PLD1: variants seen among roughly 807,000 people sequenced by gnomAD.
PLD1 encodes the protein choline phosphatase 1.
A neutral mutation model predicts 137.1 loss-of-function variants in PLD1; 112 were observed. That is an observed-to-expected ratio of 0.82 (90% CI 0.70 to 0.96). The LOEUF is 0.96. Among genes scored for constraint, PLD1 ranks in the 40% least tolerant of loss-of-function variants. The pLI is 0.00. For missense variants in PLD1, 1,321 were observed against 1,342.0 expected (o/e 0.98, Z 0.24); for synonymous variants, 431 against 454.7 (o/e 0.95, Z 0.66).
At chr3:171,627,517 C>T (rs1351505798) in intron 23 of PLD1, among the ~76,000 whole-genome samples, 4 of 151,598 alleles carry the variant, frequency 2.6e-5, no homozygotes, top group African/African-American at 7.3e-5. Context: ...ACCTAATAGA[C>T]ATCTACAGAA....
intron 19 of PLD1, among the ~76,000 whole-genome samples, chr3:171,668,116 C>G (rs191302620): frequency 5.4e-4 from 83 of 152,298 alleles, no homozygotes; most frequent in African/African-American, 2.0e-3. Context: ...AAACAGGCTG[C>G]ACAGGAGTTT....
chr3:171,675,534 T>C (rs1713259821), intron 18 of PLD1, among the ~76,000 whole-genome samples: 1 of 152,214 alleles, frequency 6.6e-6, no homozygotes, highest in African/African-American at 2.4e-5. Flanking sequence ...TGGGGTAGCA[T>C]GTATGAGCAC....
intron 12 of PLD1, among the ~76,000 whole-genome samples, chr3:171,696,946 GAGGGACCTCGCC>G (rs1444069076): frequency 5.3e-5 from 8 of 152,188 alleles, no homozygotes; most frequent in African/African-American, 2.4e-5. Context: ...TGGTGTTCAC[GAGGGACCTCGCC>G]AGGGTTCAAG....
chr3:171,627,397 A>G (rs1018512814), intron 23 of PLD1, among the ~76,000 whole-genome samples: 1 of 152,222 alleles, frequency 6.6e-6, no homozygotes, highest in African/African-American at 2.4e-5. Context: ...TTAGACTCCC[A>G]CACAATAATA....
intron 3 of PLD1, 87 bp downstream of exon 3, chr3:171,737,445 T>C (rs1719443055): frequency 2.6e-6 from 3 of 1,160,480 alleles, no homozygotes; most frequent in Middle Eastern, 2.1e-4. Flanking sequence ...AACATGATCA[T>C]AGCTAAGAGG....
chr3:171,673,426 C>A (rs568145693), intron 19 of PLD1, among the ~76,000 whole-genome samples: 5 of 151,902 alleles, frequency 3.3e-5, no homozygotes, highest in Middle Eastern at 6.3e-3. Flanking sequence ...GGATTACAGG[C>A]GCACGCTACC....
At chr3:171,786,613 C>G (rs1723021773) in intron 1 of PLD1, among the ~76,000 whole-genome samples, 2 of 152,290 alleles carry the variant, frequency 1.3e-5, no homozygotes, top group South Asian at 4.1e-4. Flanking sequence ...AGGACTCAAA[C>G]AGCATTTCAG....
chr3:171,773,924 A>G (rs1306359325), intron 1 of PLD1, among the ~76,000 whole-genome samples: 1 of 151,604 alleles, frequency 6.6e-6, no homozygotes, highest in African/African-American at 2.4e-5. Flanking sequence ...AATTTTTTGT[A>G]CTTTTAGTAG....
At chr3:171,792,501 AG>A in intron 1 of PLD1, 1 of 444,614 alleles carries the variant, frequency 2.2e-6, no homozygotes, top group East Asian at 7.0e-5. Context: ...CAAGGTGAGA[AG>A]GGGGCCCTCA....
intron 1 of PLD1, among the ~76,000 whole-genome samples, chr3:171,755,312 A>G (rs1262874519): frequency 6.6e-6 from 1 of 151,908 alleles, no homozygotes; most frequent in African/African-American, 2.4e-5. Flanking sequence ...CTCCATTTGT[A>G]CACTCCACCA....
chr3:171,806,815 C>T (rs779031341), intron 1 of PLD1, among the ~76,000 whole-genome samples: 1 of 152,196 alleles, frequency 6.6e-6, no homozygotes, highest in Non-Finnish European at 1.5e-5. Context: ...CTGATAGATA[C>T]TCAGGAGAGG....
At chr3:171,720,320 G>A (rs1245696658) in intron 8 of PLD1, among the ~76,000 whole-genome samples, 3 of 143,118 alleles carry the variant, frequency 2.1e-5, no homozygotes, top group African/African-American at 7.9e-5. Flanking sequence ...AAAAGGCCGG[G>A]CGCGGTGGCT....
chr3:171,805,795 CTGGGTG>C (rs1299451552), intron 1 of PLD1, among the ~76,000 whole-genome samples: 1 of 152,204 alleles, frequency 6.6e-6, no homozygotes, highest in Non-Finnish European at 1.5e-5. Context: ...TGTCAAAACT[CTGGGTG>C]CAAGCTGCCT....
intron 1 of PLD1, among the ~76,000 whole-genome samples, chr3:171,768,720 T>G (rs1182698692): frequency 6.6e-6 from 1 of 152,246 alleles, no homozygotes; most frequent in Non-Finnish European, 1.5e-5. Context: ...TCTCCAGCTT[T>G]GAAACTCAGA....
In PLD1 at chr3:171,684,346, C is replaced by T. The variant is rs184520707; in HGVS notation, c.1867+2339G>A. On this transcript the variant is annotated intron_variant, in intron 16 of 26. Coordinates refer to ENST00000351298, the MANE Select transcript of PLD1 (RefSeq NM_002662.5). ...AAAGCAGCAAAGTTACACATTGAAA[C>T]GATAAGGCACTACCTGGAGCTGTTT... Among the ~76,000 whole-genome samples the T allele has an allele frequency of 3.2e-3, 481 of 152,214 alleles. 1 individual carries two copies. Among genetic ancestry groups the T allele is most frequent in the Non-Finnish European group, 4.3e-3 (291 of 68,018 alleles).
At chr3:171,698,981 A>G (rs943380751) in intron 12 of PLD1, among the ~76,000 whole-genome samples, 63 of 151,760 alleles carry the variant, frequency 4.2e-4, no homozygotes, top group Non-Finnish European at 6.6e-4. Context: ...CATCTCAAAA[A>G]AAAAAAAAAA....
chr3:171,701,827 T>G (rs1716262784), intron 11 of PLD1, among the ~76,000 whole-genome samples: 1 of 152,214 alleles, frequency 6.6e-6, no homozygotes, highest in South Asian at 2.1e-4. Context: ...GCATCGTTAC[T>G]GCATGTACCA....
chr3:171,673,091 TAAC>T (rs1329073034), intron 19 of PLD1, among the ~76,000 whole-genome samples: 1 of 152,250 alleles, frequency 6.6e-6, no homozygotes, highest in Admixed American at 6.5e-5. Context: ...ATTTTCCTAA[TAAC>T]AAGTTTCTTA....
At chr3:171,758,307 G>A (rs998713728) in intron 1 of PLD1, among the ~76,000 whole-genome samples, 3 of 152,140 alleles carry the variant, frequency 2.0e-5, no homozygotes, top group Non-Finnish European at 4.4e-5. Flanking sequence ...TGACCGCAGG[G>A]CCCAATTTCT....
Sources: gnomAD v4.1 joint callset for allele counts (sites outside exome capture counted in the v4.1 genomes callset) on GRCh38, gnomAD v4.1.1 for gene constraint, MANE v1.5 for transcripts, NCBI Gene and HGNC (gene_info 2026-07-23, HGNC 2026-07-21) for gene names.